GREB1: variants seen among roughly 807,000 people sequenced by gnomAD.
GREB1 encodes the protein growth regulating estrogen receptor binding 1, also known as protein GREB1.
In GREB1, 106 loss-of-function variants were observed where a neutral mutation model predicts 200.7. That is an observed-to-expected ratio of 0.53 (90% CI 0.45 to 0.62). The LOEUF (loss-of-function observed/expected upper bound fraction) is 0.62, where lower values mean the gene tolerates loss of function less well. Ranked by LOEUF, GREB1 falls within the 20% of genes least tolerant of loss-of-function variation. The pLI is 0.00. For missense variants in GREB1, 2,243 were observed against 2,556.8 expected, an observed-to-expected ratio of 0.88 and a Z score of 2.65; for synonymous variants, 1,132 against 1,092.4, an observed-to-expected ratio of 1.04 and a Z score of -0.72.
chr2:11,640,687 T>A lies in GREB1; in HGVS notation c.*233T>A. The A allele has an allele frequency of 1.9e-6, 1 of 539,714 alleles. No individual in the cohort carries two copies. The highest frequency in any genetic ancestry group is 1.9e-5 in the African/African-American group (1 of 51,938). The allele number at this position is 539,714 out of a possible 1,614,324, so 33.4% of individuals were successfully genotyped here. A position where few individuals can be genotyped will look rare whatever the true frequency, so the allele number is the denominator to read the frequency against. On this transcript the variant is annotated 3_prime_UTR_variant, in exon 33 of 33. Transcript: ENST00000381486. This position sits in a 1 kb window ranked among gnomAD's most constrained non-coding sequence, Gnocchi z 4.6. Reference sequence around the variant, plus strand: ...GACTCCCAAGTTCTGGGCCAGCCCATTGCTCTGGGCTGTTTTAAAGCCCAT... The same window carrying A: ...GACTCCCAAGTTCTGGGCCAGCCCAATGCTCTGGGCTGTTTTAAAGCCCAT...
At chr2:11,567,848 G>A (rs948658867) in intron 4 of GREB1, among the ~76,000 whole-genome samples, 7 of 152,316 alleles carry the variant, frequency 4.6e-5, no homozygotes, top group Admixed American at 6.5e-5. Context: ...CTGGGTTCCT[G>A]CCCTGCATCT....
At chr2:11,611,323 T>C (rs1398940761) in intron 18 of GREB1, among the ~76,000 whole-genome samples, 5 of 152,098 alleles carry the variant, frequency 3.3e-5, no homozygotes, top group Admixed American at 2.0e-4. Flanking sequence ...TTCTTTATTT[T>C]CCCCTTTGAG....
intron 19 of GREB1, among the ~76,000 whole-genome samples, chr2:11,614,502 G>A (rs907038658): frequency 6.6e-6 from 1 of 151,976 alleles, no homozygotes; most frequent in South Asian, 2.1e-4. Flanking sequence ...AGCTTGTCAC[G>A]GCTTCTGTCG....
chr2:11,486,091 CAGTT>C (rs1672648847), intron 1 of GREB1, among the ~76,000 whole-genome samples: 1 of 152,148 alleles, frequency 6.6e-6, no homozygotes, highest in Non-Finnish European at 1.5e-5. Flanking sequence ...GGAAAGGAAG[CAGTT>C]AGGGCTTTCG....
intron 9 of GREB1, chr2:11,587,671 A>G: frequency 7.5e-7 from 1 of 1,339,332 alleles, no homozygotes; most frequent in Non-Finnish European, 9.6e-7. Context: ...TGGTGACTAA[A>G]TGGAGTACCT....
chr2:11,509,085 C>T (rs1049401962), intron 1 of GREB1, among the ~76,000 whole-genome samples: 8 of 151,576 alleles, frequency 5.3e-5, no homozygotes, highest in Non-Finnish European at 8.8e-5. Flanking sequence ...CCGTGTTAGC[C>T]AGGATGGTCT....
At chr2:11,501,895 GTTTTTTTTTGTTTT>G (rs1673050302) in intron 1 of GREB1, among the ~76,000 whole-genome samples, 15 of 45,558 alleles carry the variant, frequency 3.3e-4, no homozygotes, top group African/African-American at 6.2e-4. Flanking sequence ...TGGATTTCCT[GTTTTTTTTTGTTTT>G]TTTTTTTTTT....
chr2:11,566,599 G>T lies in GREB1; in HGVS notation c.397G>T (p.Val133Leu). The change falls in exon 4 of 33, where the codon GTG becomes TTG. Residue 133 changes from valine to leucine, a missense_variant. Around this residue, in one of 3 missense-constraint regions of GREB1, gnomAD observed 1,178 missense variants for 1,387.4 expected, o/e 0.85. Coordinates refer to ENST00000381486, the MANE Select transcript of GREB1 (RefSeq NM_014668.4). ...CCCCAGCCTGCCGGACCATCTCCTG[G>T]TGTGCGCCGTTGACAAGAGGTTCTT... ...KSPSLPDHLL[V>L]CAVDKRFLPD... is the part of the protein sequence containing the mutation. 2 of 1,614,098 alleles carry T rather than the reference G, an allele frequency of 1.2e-6. No individual in the cohort carries two copies. Among genetic ancestry groups the T allele is most frequent in the Non-Finnish European group, 1.7e-6 (2 of 1,180,008 alleles).
intron 3 of GREB1, among the ~76,000 whole-genome samples, chr2:11,565,380 C>T (rs948472525): frequency 1.3e-5 from 2 of 152,166 alleles, no homozygotes; most frequent in Admixed American, 1.3e-4. Flanking sequence ...AACCACAGAG[C>T]AAATGCATGG....
intron 32 of GREB1, among the ~76,000 whole-genome samples, chr2:11,639,964 G>C (rs1396603584): frequency 6.6e-6 from 1 of 152,026 alleles, no homozygotes; most frequent in African/African-American, 2.4e-5. Context: ...GTAGGGTGGG[G>C]TATGTGAGCT....
At chr2:11,487,009 A>C (rs1672671178) in intron 1 of GREB1, among the ~76,000 whole-genome samples, 1 of 152,176 alleles carries the variant, frequency 6.6e-6, no homozygotes, top group African/African-American at 2.4e-5. Context: ...ATATTAGATG[A>C]TATAATTTTA....
chr2:11,588,690 T>C (rs1680422631), intron 9 of GREB1, 56 bp from the exon 10 acceptor site: 1 of 1,503,258 alleles, frequency 6.7e-7, no homozygotes, highest in Non-Finnish European at 9.3e-7. Context: ...CCCACATGTA[T>C]GGGACCGTAA....
At chr2:11,587,394 G>T (rs771761650) in intron 9 of GREB1, 2 of 1,612,882 alleles carry the variant, frequency 1.2e-6, no homozygotes, top group South Asian at 2.2e-5. Flanking sequence ...TTTGTAAATG[G>T]TGCTACCCAA....
chr2:11,592,901 A>C lies in GREB1; in HGVS notation c.1471A>C (p.Ser491Arg). ...APPQPFPPAP[S>R]AAAPVTSAQL... is the part of the protein sequence containing the mutation. Reference sequence around the variant, plus strand: ...GCCGCAGCCCTTCCCGCCCGCGCCCAGCGCCGCGGCACCCGTGACCTCCGC... The same window carrying C: ...GCCGCAGCCCTTCCCGCCCGCGCCCCGCGCCGCGGCACCCGTGACCTCCGC... The change falls in exon 11 of 33, where the codon AGC (serine) becomes CGC (arginine). Residue 491 changes from serine (S) to arginine (R), a missense_variant. Around this residue, in one of 3 missense-constraint regions of GREB1, gnomAD observed 1,178 missense variants for 1,387.4 expected, o/e 0.85. Coordinates refer to ENST00000381486, the MANE Select transcript of GREB1 (RefSeq NM_014668.4). 2 of 1,592,398 alleles carry C rather than the reference A, an allele frequency of 1.3e-6. No homozygotes were observed. Among genetic ancestry groups the C allele is most frequent in the Non-Finnish European group, 8.5e-7 (1 of 1,170,014 alleles).
At chr2:11,521,509 G>A (rs1673704016) in intron 1 of GREB1, among the ~76,000 whole-genome samples, 1 of 152,198 alleles carries the variant, frequency 6.6e-6, no homozygotes, top group Non-Finnish European at 1.5e-5. Context: ...AACAATTTGT[G>A]TCCCACGTAG....
In GREB1 at chr2:11,566,564, G is replaced by A; in HGVS notation, c.362G>A (p.Gly121Glu). ...MDVPAGFLLV[G>E]VKSPSLPDHL... The stretch of plus-strand genomic sequence containing the variant: ...GTCCCTGCGGGCTTTCTCCTCGTGG[G>A]GGTCAAGTCCCCCAGCCTGCCGGAC... The change falls in exon 4 of 33, where the codon GGG becomes GAG. Residue 121 changes from glycine (G) to glutamate (E), a missense_variant. Coordinates refer to ENST00000381486, the MANE Select transcript of GREB1 (RefSeq NM_014668.4). 6.2e-7 allele frequency: 1 copy of A among 1,614,086 alleles called. No individual in the cohort carries two copies. Among genetic ancestry groups the A allele is most frequent in the Non-Finnish European group, 8.5e-7 (1 of 1,180,018 alleles).
intron 11 of GREB1, among the ~76,000 whole-genome samples, chr2:11,594,416 G>A (rs554160775): frequency 4.0e-5 from 6 of 150,186 alleles, no homozygotes; most frequent in Non-Finnish European, 8.9e-5. Context: ...ATGCAGTGGT[G>A]CAGTCTCAGC....
In GREB1 at chr2:11,600,848, G is replaced by C. The variant is rs757258578; in HGVS notation, c.2382G>C (p.Leu794Phe). ...LYSQSDPSVG[L>F]VDRLLNCREV... ...CTCAAAGTGACCCGTCGGTGGGATT[G>C]GTGGACCGATTGCTCAACTGCAGGG... The change falls in exon 16 of 33, where the codon TTG becomes TTC. Residue 794 changes from leucine (L) to phenylalanine (F), a missense_variant. By Grantham distance (22) the Leu-to-Phe change is conservative. Coordinates refer to ENST00000381486, the MANE Select transcript of GREB1 (RefSeq NM_014668.4). 2.5e-6 allele frequency: 4 copies of C among 1,614,036 alleles called. No homozygotes were observed. The highest frequency in any genetic ancestry group is 3.4e-6 in the Non-Finnish European group (4 of 1,180,010).
intron 1 of GREB1, among the ~76,000 whole-genome samples, chr2:11,518,418 T>C (rs1673583183): frequency 1.3e-5 from 2 of 152,062 alleles, no homozygotes; most frequent in Non-Finnish European, 2.9e-5. Context: ...AGCTTGTCAT[T>C]GTATCTCAGA....
Sources: gnomAD v4.1 joint callset for allele counts (sites outside exome capture counted in the v4.1 genomes callset) on GRCh38, gnomAD v4.1.1 for gene constraint, gnomAD v4.1.1 regional missense constraint, Gnocchi (gnomAD v3.1) non-coding constraint, MANE v1.5 for transcripts, NCBI Gene and HGNC (gene_info 2026-07-23, HGNC 2026-07-21) for gene names.